The following OSGEPL1 variants were observed in gnomAD, a reference collection of about 807,000 sequenced individuals.
The protein encoded by OSGEPL1 is tRNA N6-adenosine threonylcarbamoyltransferase, mitochondrial.
Under a neutral mutation model 37.2 loss-of-function variants are expected in OSGEPL1, and 26 were observed. The observed-to-expected ratio is 0.70, with a 90% CI of 0.51 to 0.97. The LOEUF (loss-of-function observed/expected upper bound fraction) is 0.97. Ranked by LOEUF, OSGEPL1 falls within the 50% of genes least tolerant of loss-of-function variation. The probability of loss-of-function intolerance (pLI) is 0.00; values close to 1 mark genes in which losing one functional copy is unlikely to be tolerated. For missense variants in OSGEPL1, 404 were observed against 487.0 expected (o/e 0.83, Z 1.60); for synonymous variants, 140 against 159.9 (o/e 0.88, Z 0.94).
At chr2:189,760,646 CT>C (rs1412821834) in intron 2 of OSGEPL1, among the ~76,000 whole-genome samples, 2 of 151,974 alleles carry the variant, frequency 1.3e-5, no homozygotes, top group Non-Finnish European at 2.9e-5. Flanking sequence ...AAAAAATCAG[CT>C]GGGCGTGGTG....
At chr2:189,762,879 C>T (rs1024552521), upstream of OSGEPL1, 2 of 985,302 alleles carry the variant, frequency 2.0e-6, no homozygotes, top group Non-Finnish European at 2.4e-6. Context: ...GCTTAAAGGC[C>T]GTCTTTGCCC....
At chr2:189,753,578 A>G (rs1339378101) in intron 5 of OSGEPL1, among the ~76,000 whole-genome samples, 1 of 152,198 alleles carries the variant, frequency 6.6e-6, no homozygotes, top group Non-Finnish European at 1.5e-5. Flanking sequence ...AAACAAACAA[A>G]GGGATTTCAT....
rs1285784711 is a variant in OSGEPL1 at position 189,754,985 on chromosome 2, TAAGA to T, written c.609+184_609+187del. 1.5e-5 allele frequency: 10 copies of T among 653,616 alleles called. No homozygotes were observed. The East Asian group carries it at 2.1e-4, about 13-fold the overall frequency. The allele number at this position is 653,616 out of a possible 1,614,324, so 40.5% of individuals were successfully genotyped here. ...AGATATGAACCTCTTACCATTTTATTAAGAAAGGCTAAGAATTATAAAATTGTGT... is the reference window on the plus strand; with the variant it reads ...AGATATGAACCTCTTACCATTTTATTAAGGCTAAGAATTATAAAATTGTGT... On this transcript the variant is annotated intron_variant, in intron 3 of 8. Coordinates refer to ENST00000264151, the MANE Select transcript of OSGEPL1 (RefSeq NM_022353.3).
At position 189,754,080 on chromosome 2, in the gene OSGEPL1, G is replaced by C. The variant is rs376427339; in HGVS notation, c.815-16C>G. 2 of 1,611,736 alleles carry C rather than the reference G, an allele frequency of 1.2e-6. No individual in the cohort carries two copies. Among genetic ancestry groups the C allele is most frequent in the Non-Finnish European group, 1.7e-6 (2 of 1,178,734 alleles). The stretch of plus-strand genomic sequence containing the variant: ...TTCTCAATACCTGCAGAAATGAGCA[G>C]CTATTTTTAGGCACAATCCAGGAAT... On this transcript the variant is annotated splice_polypyrimidine_tract_variant and intron_variant, in intron 4 of 8. Transcript: ENST00000264151.
chr2:189,750,450 AG>A (rs67364820), intron 8 of OSGEPL1, 99 bp downstream of exon 8: 492,898 of 511,646 alleles, frequency 0.96, 237,203 homozygotes, highest in Admixed American at 0.97. Context: ...AACATCAAAT[AG>A]AAAAAAAAAA....
chr2:189,756,163 A>G (rs1032107967), intron 2 of OSGEPL1, among the ~76,000 whole-genome samples: 17 of 152,226 alleles, frequency 1.1e-4, no homozygotes, highest in South Asian at 4.1e-4. Flanking sequence ...TTTAAAACAC[A>G]TTCCACTTGA....
intron 8 of OSGEPL1, among the ~76,000 whole-genome samples, chr2:189,749,244 T>TAAA (rs397987026): frequency 0.016 from 1,021 of 63,152 alleles, 37 homozygotes; most frequent in Admixed American, 0.037. Flanking sequence ...AGACTCTGTC[T>TAAA]AAAAAAAAAA....
At chr2:189,760,706 G>C (rs962623846) in intron 2 of OSGEPL1, among the ~76,000 whole-genome samples, 23 of 151,800 alleles carry the variant, frequency 1.5e-4, no homozygotes, top group African/African-American at 3.9e-4. Flanking sequence ...CAGGGGAATC[G>C]TTTGAACTCG....
At chr2:189,760,275 A>G (rs960726368) in intron 2 of OSGEPL1, among the ~76,000 whole-genome samples, 5 of 151,906 alleles carry the variant, frequency 3.3e-5, no homozygotes, top group Non-Finnish European at 5.9e-5. Flanking sequence ...TGTTGGGTAC[A>G]CCTCCCAGAC....
intron 2 of OSGEPL1, among the ~76,000 whole-genome samples, chr2:189,757,622 T>C (rs890243158): frequency 2.6e-5 from 4 of 152,216 alleles, no homozygotes; most frequent in African/African-American, 9.6e-5. Flanking sequence ...GTATCAAATG[T>C]AGTAAATGGT....
intron 7 of OSGEPL1, among the ~76,000 whole-genome samples, chr2:189,751,790 A>G (rs1239526604): frequency 1.3e-5 from 2 of 149,700 alleles, no homozygotes; most frequent in African/African-American, 4.9e-5. Context: ...TGTTCAAAAT[A>G]TAATTATTTA....
intron 2 of OSGEPL1, among the ~76,000 whole-genome samples, chr2:189,756,243 T>C (rs1158315344): frequency 6.6e-6 from 1 of 152,210 alleles, no homozygotes. Flanking sequence ...TCAGAGTTTG[T>C]AATTTGGATT....
chr2:189,753,911 C>T lies in OSGEPL1; in HGVS notation c.963+5G>A. Reference sequence around the variant, plus strand: ...ACTATTACTATAAAATGAGATAAAACTTACCAGTACTGCATTATTTTGAGG... The same window carrying T: ...ACTATTACTATAAAATGAGATAAAATTTACCAGTACTGCATTATTTTGAGG... On this transcript the variant is annotated splice_donor_5th_base_variant and intron_variant, in intron 5 of 8. Transcript: ENST00000264151. 2 of 1,611,744 alleles carry T rather than the reference C, an allele frequency of 1.2e-6. No individual in the cohort carries two copies. The highest frequency in any genetic ancestry group is 1.7e-6 in the Non-Finnish European group (2 of 1,179,246).
At chr2:189,751,302 A>G (rs2045161104) in intron 7 of OSGEPL1, among the ~76,000 whole-genome samples, 1 of 152,182 alleles carries the variant, frequency 6.6e-6, no homozygotes, top group Non-Finnish European at 1.5e-5. Context: ...ACTGAATCAG[A>G]GGATATACTC....
chr2:189,751,016 C>A (rs2045099221), intron 7 of OSGEPL1, among the ~76,000 whole-genome samples: 2 of 152,174 alleles, frequency 1.3e-5, no homozygotes, highest in African/African-American at 4.8e-5. Context: ...TAAAGTCAAA[C>A]CTGTATCCAT....
intron 2 of OSGEPL1, among the ~76,000 whole-genome samples, chr2:189,758,775 TGA>T (rs1387796542): frequency 6.6e-6 from 1 of 152,176 alleles, no homozygotes; most frequent in African/African-American, 2.4e-5. Context: ...TAGACTCTAC[TGA>T]GAGAGATTAT....
intron 8 of OSGEPL1, among the ~76,000 whole-genome samples, chr2:189,749,859 C>A (rs2044846082): frequency 6.6e-6 from 1 of 152,134 alleles, no homozygotes; most frequent in Non-Finnish European, 1.5e-5. Flanking sequence ...CTCTTGAGCA[C>A]ATCTGTAATC....
intron 7 of OSGEPL1, among the ~76,000 whole-genome samples, chr2:189,752,227 A>G (rs1345522759): frequency 6.6e-6 from 1 of 152,210 alleles, no homozygotes; most frequent in African/African-American, 2.4e-5. Flanking sequence ...GGAAACAGCT[A>G]TCTTTCGGCC....
At chr2:189,748,852 T>C (rs1305689923) in intron 8 of OSGEPL1, among the ~76,000 whole-genome samples, 4 of 152,222 alleles carry the variant, frequency 2.6e-5, no homozygotes, top group African/African-American at 9.6e-5. Context: ...AGAGTTTCTT[T>C]GCATTCAATG....
Sources: gnomAD v4.1 joint callset for allele counts (sites outside exome capture counted in the v4.1 genomes callset) on GRCh38, gnomAD v4.1.1 for gene constraint, MANE v1.5 for transcripts, NCBI Gene and HGNC (gene_info 2026-07-23, HGNC 2026-07-21) for gene names.